Variants in NRXN3 observed in about 807,000 individuals in gnomAD.
NRXN3 encodes neurexin 3.
In NRXN3, 32 loss-of-function variants were observed where a neutral mutation model predicts 137.6. The observed-to-expected ratio is 0.23, with a 90% confidence interval of 0.18 to 0.31. The LOEUF is 0.31. Among genes scored for constraint, NRXN3 ranks in the 10% least tolerant of loss-of-function variants. The probability of loss-of-function intolerance (pLI) is 1.00; values close to 1 mark genes in which losing one functional copy is unlikely to be tolerated. For missense variants in NRXN3, 1,574 were observed against 2,062.5 expected, an observed-to-expected ratio of 0.76 and a Z score of 4.59; for synonymous variants, 798 against 784.5, an observed-to-expected ratio of 1.02 and a Z score of -0.29.
intron 19 of NRXN3, among the ~76,000 whole-genome samples, chr14:79,766,554 C>T (rs1263395740): frequency 6.6e-6 from 1 of 152,218 alleles, no homozygotes; most frequent in Non-Finnish European, 1.5e-5. Flanking sequence ...GTCATCATTG[C>T]ATTCTGGGGA....
intron 15 of NRXN3, among the ~76,000 whole-genome samples, chr14:79,173,722 T>C (rs2062020451): frequency 6.6e-6 from 1 of 152,088 alleles, no homozygotes. Context: ...AGTTGGAAGG[T>C]AGGCAATCCA....
In NRXN3 at chr14:79,753,662, T is replaced by C. The variant is rs963473306; in HGVS notation, c.4015-51450T>C. ...GTGCAGCACACCAGCATGGCACATG[T>C]ATACATATATAACTAACCTGCACAT... is the stretch of plus-strand genomic sequence containing the variant. On this transcript the variant is annotated intron_variant, in intron 19 of 20. Transcript: ENST00000335750. 5.3e-5 allele frequency among the ~76,000 whole-genome samples: 8 copies of C among 151,754 alleles called. 1 individual carries two copies. The highest frequency in any genetic ancestry group is 1.2e-4 in the Non-Finnish European group (8 of 67,946).
chr14:78,565,388 G>C (rs2096827598), intron 4 of NRXN3, among the ~76,000 whole-genome samples: 1 of 152,204 alleles, frequency 6.6e-6, no homozygotes, highest in African/African-American at 2.4e-5. Context: ...TCCAGTGTGA[G>C]AGAATTTTTA....
intron 4 of NRXN3, among the ~76,000 whole-genome samples, chr14:78,488,042 C>A (rs1159922669): frequency 6.6e-6 from 1 of 152,106 alleles, no homozygotes; most frequent in Non-Finnish European, 1.5e-5. Flanking sequence ...AAGGTGCCAG[C>A]AGGTTTGGTT....
chr14:79,627,287 C>T (rs221488), intron 16 of NRXN3, among the ~76,000 whole-genome samples: 40,141 of 152,042 alleles, frequency 0.26, 5,995 homozygotes, highest in African/African-American at 0.4. Context: ...GAGTTGCCTA[C>T]TAAGAACCAG....
rs573109147 is a variant in NRXN3 at position 78,407,025 on chromosome 14, G to A, written c.757+109165G>A. 2.0e-3 allele frequency among the ~76,000 whole-genome samples: 306 copies of A among 152,206 alleles called. 1 individual carries two copies. The highest frequency in any genetic ancestry group is 0.01 in the Middle Eastern group (3 of 294). ...GCAGGGTACAAGGAGACAAAGAGAG[G>A]GTCTTAGGGACTGGGATCCTTTTGA... is the stretch of plus-strand genomic sequence containing the variant. On this transcript the variant is annotated intron_variant, in intron 4 of 20. Coordinates refer to ENST00000335750, the MANE Select transcript of NRXN3 (RefSeq NM_001330195.2).
intron 10 of NRXN3, among the ~76,000 whole-genome samples, chr14:78,811,807 A>T (rs2098914485): frequency 6.6e-6 from 1 of 152,200 alleles, no homozygotes; most frequent in South Asian, 2.1e-4. Context: ...TATCGATATA[A>T]GCAACTGCTT....
At chr14:79,609,424 A>G (rs1454437427) in intron 16 of NRXN3, among the ~76,000 whole-genome samples, 1 of 152,222 alleles carries the variant, frequency 6.6e-6, no homozygotes, top group East Asian at 1.9e-4. Context: ...AGTTTGGAGA[A>G]TAAACAAATT....
chr14:78,403,148 CA>C, intron 4 of NRXN3, among the ~76,000 whole-genome samples: 1 of 152,252 alleles, frequency 6.6e-6, no homozygotes, highest in East Asian at 1.9e-4. Context: ...AAGGGGATTT[CA>C]AGACTCCTGT....
intron 16 of NRXN3, among the ~76,000 whole-genome samples, chr14:79,622,798 G>A (rs923149426): frequency 2.0e-5 from 3 of 152,004 alleles, no homozygotes; most frequent in Non-Finnish European, 2.9e-5. Context: ...GGGTTTCACC[G>A]TGTTAGCCAG....
rs370234247 is a variant in NRXN3 at position 79,065,751 on chromosome 14, C to T, written c.3262+77610C>T. ...ACCCCAATCTCGGCCTTGATGTTTT[C>T]GTGACATTCTCTCTGTGTGCATGCC... On this transcript the variant is annotated intron_variant, in intron 15 of 20. Coordinates refer to ENST00000335750, the MANE Select transcript of NRXN3 (RefSeq NM_001330195.2). 1.9e-4 allele frequency among the ~76,000 whole-genome samples: 29 copies of T among 152,174 alleles called. No homozygotes were observed. The Middle Eastern group carries it at 0.01, about 54-fold the overall frequency.
chr14:79,279,951 A>G (rs2080982302), intron 15 of NRXN3: 7 of 1,109,740 alleles, frequency 6.3e-6, no homozygotes, highest in Non-Finnish European at 7.7e-6. Context: ...TCAGACTCGA[A>G]GTGCCTAGAG....
At chr14:78,586,202 A>C (rs574220387) in intron 4 of NRXN3, among the ~76,000 whole-genome samples, 1 of 152,334 alleles carries the variant, frequency 6.6e-6, no homozygotes, top group East Asian at 1.9e-4. Context: ...GCCAAAGGCC[A>C]ACAAAATCTA....
At chr14:79,472,553 T>C (rs2096523712) in intron 16 of NRXN3, among the ~76,000 whole-genome samples, 1 of 152,218 alleles carries the variant, frequency 6.6e-6, no homozygotes. Flanking sequence ...AAGAGATCTT[T>C]ATTGAAGTAT....
chr14:79,505,639 A>G (rs1308775986), intron 16 of NRXN3, among the ~76,000 whole-genome samples: 1 of 152,194 alleles, frequency 6.6e-6, no homozygotes. Flanking sequence ...ATTACCTTAC[A>G]TAGTTATCAA....
At chr14:79,595,222 A>G (rs2097848386) in intron 16 of NRXN3, among the ~76,000 whole-genome samples, 1 of 152,188 alleles carries the variant, frequency 6.6e-6, no homozygotes, top group Non-Finnish European at 1.5e-5. Context: ...AGAACAGACA[A>G]CCTACCTGCA....
chr14:78,755,466 T>G (rs1231315178), intron 8 of NRXN3, among the ~76,000 whole-genome samples: 2 of 152,190 alleles, frequency 1.3e-5, no homozygotes, highest in African/African-American at 4.8e-5. Flanking sequence ...TAATAGTTGT[T>G]TAGTCAATAA....
At chr14:79,484,579 C>G (rs886304839) in intron 16 of NRXN3, among the ~76,000 whole-genome samples, 1 of 152,124 alleles carries the variant, frequency 6.6e-6, no homozygotes, top group Non-Finnish European at 1.5e-5. Context: ...TTTAAGCCCC[C>G]CAATCTCCAC....
intron 19 of NRXN3, among the ~76,000 whole-genome samples, chr14:79,706,079 C>T (rs1330834499): frequency 6.6e-6 from 1 of 152,150 alleles, no homozygotes; most frequent in Non-Finnish European, 1.5e-5. Context: ...GACCCACTCC[C>T]TCATGAGGCT....
Sources: allele counts gnomAD v4.1 joint callset (sites outside exome capture counted in the v4.1 genomes callset), GRCh38; gene constraint gnomAD v4.1.1; transcripts MANE v1.5; gene names NCBI Gene and HGNC (gene_info 2026-07-23, HGNC 2026-07-21).